Variants in MOK observed in about 807,000 individuals in gnomAD.
The protein encoded by MOK is MOK protein kinase, also known as MAPK/MAK/MRK overlapping kinase.
Under a neutral mutation model 54.2 loss-of-function variants are expected in MOK, and 59 were observed. That is an observed-to-expected ratio of 1.09 (90% CI 0.88 to 1.35). The LOEUF (loss-of-function observed/expected upper bound fraction) is 1.35. MOK is among the 40% of genes most tolerant of loss of function. The pLI is 0.00. For missense variants in MOK, 517 were observed against 526.2 expected (o/e 0.98, Z 0.17); for synonymous variants, 210 against 202.7 (o/e 1.04, Z -0.31).
chr14:102,258,050 A>T (rs1346865415), intron 4 of MOK, among the ~76,000 whole-genome samples: 1 of 152,090 alleles, frequency 6.6e-6, no homozygotes, highest in Non-Finnish European at 1.5e-5. Flanking sequence ...TAAGCACGTG[A>T]TCACTTTTCT....
downstream of MOK, chr14:102,225,051 G>GA: frequency 3.1e-6 from 1 of 319,288 alleles, no homozygotes; most frequent in Non-Finnish European, 6.1e-6. Flanking sequence ...AACTACTTTT[G>GA]AAAATAAATC....
intron 2 of MOK, among the ~76,000 whole-genome samples, chr14:102,275,768 A>G (rs1460587453): frequency 6.6e-6 from 1 of 152,132 alleles, no homozygotes; most frequent in Admixed American, 6.6e-5. Flanking sequence ...AGCACATGGA[A>G]AGATGCCATA....
chr14:102,225,799 T>C (rs890102294), downstream of MOK: 3 of 161,742 alleles, frequency 1.9e-5, no homozygotes, highest in African/African-American at 7.2e-5. Context: ...ACTCAAGCAT[T>C]CAGCAGGCCC....
the MOK span, among the ~76,000 whole-genome samples, chr14:102,216,186 T>C: frequency 2.0e-5 from 3 of 152,176 alleles, no homozygotes; most frequent in Non-Finnish European, 2.9e-5. Context: ...ATCTGCACTT[T>C]TTGTCTTGAG....
downstream of MOK, among the ~76,000 whole-genome samples, chr14:102,224,265 C>G (rs1240921746): frequency 2.0e-5 from 3 of 151,986 alleles, no homozygotes; most frequent in Non-Finnish European, 4.4e-5. Flanking sequence ...TGGTCTCGAT[C>G]TCCTGACCTC....
intron 2 of MOK, among the ~76,000 whole-genome samples, chr14:102,269,539 C>T (rs915051201): frequency 6.1e-5 from 9 of 146,612 alleles, no homozygotes; most frequent in Admixed American, 1.4e-4. Context: ...GTGGAGTGAT[C>T]TTGGCTCACT....
At chr14:102,251,137 T>C in intron 6 of MOK, 147 bp from the exon 7 acceptor site, 1 of 771,992 alleles carries the variant, frequency 1.3e-6, no homozygotes, top group Non-Finnish European at 2.0e-6. Context: ...TCTGAGCACC[T>C]CAAAGTGCCT....
At chr14:102,225,068 T>G (rs2064188943), downstream of MOK, 1 of 321,646 alleles carries the variant, frequency 3.1e-6, no homozygotes, top group Non-Finnish European at 6.0e-6. Flanking sequence ...AATCTAGAAT[T>G]ATTTTCTGTT....
At chr14:102,229,391 A>C (rs1429155882) in intron 11 of MOK, 25 bp from the exon 12 acceptor site, 1 of 1,614,090 alleles carries the variant, frequency 6.2e-7, no homozygotes, top group Non-Finnish European at 8.5e-7. Flanking sequence ...TTACAGACAC[A>C]AAATTCAGTG....
chr14:102,262,945 C>A (rs1011781419), intron 4 of MOK, among the ~76,000 whole-genome samples: 2 of 152,222 alleles, frequency 1.3e-5, no homozygotes, highest in African/African-American at 2.4e-5. Flanking sequence ...CCCCCAGGAA[C>A]AATTGGCTCA....
At chr14:102,266,018 A>C in intron 2 of MOK, 106 bp from the exon 3 acceptor site, 1 of 803,736 alleles carries the variant, frequency 1.2e-6, no homozygotes, top group South Asian at 1.9e-5. Flanking sequence ...CAAATATTTC[A>C]AGCAAGTTAA....
intron 2 of MOK, chr14:102,278,808 G>A (rs1316109977): frequency 7.2e-6 from 3 of 416,526 alleles, no homozygotes; most frequent in Non-Finnish European, 1.5e-5. Context: ...GAACAACTGC[G>A]GTAATCTTAC....
chr14:102,273,712 G>T (rs1249448791), intron 2 of MOK, among the ~76,000 whole-genome samples: 1 of 152,012 alleles, frequency 6.6e-6, no homozygotes, highest in Non-Finnish European at 1.5e-5. Context: ...CTGTGAACCC[G>T]GAAGGCAGAG....
intron 2 of MOK, among the ~76,000 whole-genome samples, chr14:102,268,644 G>A (rs906402331): frequency 1.3e-5 from 2 of 152,100 alleles, no homozygotes; most frequent in Non-Finnish European, 2.9e-5. Flanking sequence ...GGCTGGGCAC[G>A]GTGGCTCATG....
intron 1 of MOK, among the ~76,000 whole-genome samples, chr14:102,291,001 C>T (rs145958556): frequency 7.0e-4 from 106 of 152,186 alleles, no homozygotes; most frequent in Non-Finnish European, 1.4e-3. Flanking sequence ...CCAAGTTTTC[C>T]CTGAATAAAA....
chr14:102,275,139 G>A (rs1480744095), intron 2 of MOK, among the ~76,000 whole-genome samples: 1 of 152,160 alleles, frequency 6.6e-6, no homozygotes, highest in Non-Finnish European at 1.5e-5. Context: ...CAGTCAATTA[G>A]CTTTTGACAA....
At position 102,238,693 on chromosome 14, in the gene MOK, TC is replaced by T. The variant is rs1232166932; in HGVS notation, c.591-4905del. ...TAGATAAGGACCAGAAGCTAGACCTTCCCCAGGGCCAAACCGACAAAATCCT... is the reference window on the plus strand; with the variant it reads ...TAGATAAGGACCAGAAGCTAGACCTTCCCAGGGCCAAACCGACAAAATCCT... On this transcript the variant is annotated intron_variant, in intron 7 of 11. Transcript: ENST00000361847. This position sits in a 1 kb window ranked among gnomAD's most constrained non-coding sequence, Gnocchi z 4.8. 1.3e-5 allele frequency among the ~76,000 whole-genome samples: 2 copies of T among 151,938 alleles called. No homozygotes were observed. The highest frequency in any genetic ancestry group is 2.9e-5 in the Non-Finnish European group (2 of 67,978).
At position 102,297,027 on chromosome 14, in the gene MOK, C is replaced by T. The variant is rs201463069; in HGVS notation, c.7+7935G>A. On this transcript the variant is annotated intron_variant, in intron 1 of 11. Transcript: ENST00000361847. ...GAGCTGAAATCACACCACTGCACTC[C>T]AGCCTGGGCAACACAGCGAGACTCT... Among the ~76,000 whole-genome samples, 13 of 151,926 alleles carry T rather than the reference C, an allele frequency of 8.6e-5. No homozygotes were observed. The East Asian group carries it at 2.5e-3, about 29-fold the overall frequency.
At chr14:102,254,182 G>GTAT (rs2066749987) in intron 4 of MOK, among the ~76,000 whole-genome samples, 1 of 152,064 alleles carries the variant, frequency 6.6e-6, no homozygotes, top group South Asian at 2.1e-4. Flanking sequence ...TAGAGACGGG[G>GTAT]TTTCACTATG....
Sources: allele counts gnomAD v4.1 joint callset (sites outside exome capture counted in the v4.1 genomes callset), GRCh38; gene constraint gnomAD v4.1.1; non-coding constraint Gnocchi (gnomAD v3.1); transcripts MANE v1.5; gene names NCBI Gene and HGNC (gene_info 2026-07-23, HGNC 2026-07-21).